RIMBP2: variants seen among roughly 807,000 people sequenced by gnomAD.
RIMBP2 encodes the protein RIMS-binding protein 2.
In RIMBP2, 48 loss-of-function variants were observed where a neutral mutation model predicts 118.6. The ratio of observed to expected loss-of-function variants is 0.40; its 90% CI spans 0.32 to 0.51. The LOEUF (loss-of-function observed/expected upper bound fraction) is 0.51. Ranked by LOEUF, RIMBP2 falls within the 20% of genes least tolerant of loss-of-function variation. The pLI is 0.41. For missense variants in RIMBP2, 1,551 were observed against 1,768.3 expected (o/e 0.88, Z 2.20); for synonymous variants, 762 against 742.9 (o/e 1.03, Z -0.42).
chr12:130,596,225 C>T (rs576700520), intron 2 of RIMBP2, among the ~76,000 whole-genome samples: 7 of 152,262 alleles, frequency 4.6e-5, no homozygotes, highest in South Asian at 2.1e-4. Context: ...AAAACAGACA[C>T]GTGGAAACCC....
At position 130,414,440 on chromosome 12, in the gene RIMBP2, T is replaced by C. The variant is rs939503601; in HGVS notation, c.3239-134A>G. On this transcript the variant is annotated intron_variant, in intron 17 of 22. Coordinates refer to ENST00000690449, the MANE Select transcript of RIMBP2 (RefSeq NM_001393629.1). The stretch of plus-strand genomic sequence containing the variant: ...TTTGTCTTTTTTGTGTCTTAACATG[T>C]AGGTGGAAATAGATCGGGAGGTCTA... The C allele has an allele frequency of 7.5e-6, 6 of 796,746 alleles. No homozygotes were observed. The African/African-American group carries it at 1.0e-4, about 14-fold the overall frequency. The allele number at this position is 796,746 out of a possible 1,614,324, so 49.4% of individuals were successfully genotyped here. A position where few individuals can be genotyped will look rare whatever the true frequency, so the allele number is the denominator to read the frequency against.
At chr12:130,460,916 C>A (rs1043518280) in intron 6 of RIMBP2, among the ~76,000 whole-genome samples, 2 of 152,156 alleles carry the variant, frequency 1.3e-5, no homozygotes, top group Non-Finnish European at 2.9e-5. Flanking sequence ...ACAGGAGATT[C>A]CATGCCCTCC....
chr12:130,687,781 A>G (rs1248415900), intron 1 of RIMBP2, among the ~76,000 whole-genome samples: 1 of 152,206 alleles, frequency 6.6e-6, no homozygotes, highest in Non-Finnish European at 1.5e-5. Context: ...GGCTTTTACT[A>G]AGAAAGTATA....
intron 2 of RIMBP2, among the ~76,000 whole-genome samples, chr12:130,606,876 G>C (rs1221385558): frequency 1.3e-5 from 2 of 152,158 alleles, no homozygotes; most frequent in Non-Finnish European, 2.9e-5. Context: ...CTGTCGCCCA[G>C]GCTAGGGTGC....
chr12:130,713,451 TAGGGGATCAGAC>T (rs1270466541), intron 1 of RIMBP2, among the ~76,000 whole-genome samples: 1 of 151,210 alleles, frequency 6.6e-6, no homozygotes, highest in Non-Finnish European at 1.5e-5. Flanking sequence ...TCCCACACCA[TAGGGGATCAGAC>T]AGCTTTTCAA....
intron 21 of RIMBP2, among the ~76,000 whole-genome samples, chr12:130,401,695 C>G (rs1164599420): frequency 6.6e-6 from 1 of 151,936 alleles, no homozygotes; most frequent in African/African-American, 2.4e-5. Context: ...GTGCCCCTGG[C>G]GATTTCTTCC....
At chr12:130,435,308 T>C (rs978200315) in intron 13 of RIMBP2, among the ~76,000 whole-genome samples, 4 of 152,164 alleles carry the variant, frequency 2.6e-5, no homozygotes, top group African/African-American at 4.8e-5. Context: ...CCTCCCAAAC[T>C]ACTGGGATTA....
chr12:130,659,480 A>G (rs1435637588), intron 1 of RIMBP2, among the ~76,000 whole-genome samples: 25 of 151,668 alleles, frequency 1.6e-4, no homozygotes, highest in Non-Finnish European at 2.5e-4. Context: ...GAGGCAGGAG[A>G]ATGGCGTGAA....
rs919108854 is a variant in RIMBP2, at chr12:130,424,382, C to T, written c.2889G>A (p.Thr963=). 12 of 1,232,542 alleles carry T rather than the reference C, an allele frequency of 9.7e-6. No individual in the cohort carries two copies. The highest frequency in any genetic ancestry group is 6.3e-5 in the East Asian group (2 of 31,696). 76.4% of individuals were successfully genotyped at this position (1,232,542 alleles called of 1,614,324 possible). ...CCTCCACGCTGCTCTGCCGGGTCAG[C>T]GTCCGCCGCCGGGCCAGCAGCGGCC... ...GPRPLLARRR[T]LTRQSSVEED... The change falls in exon 16 of 23, where the codon ACG becomes ACA. Residue 963 remains threonine, a synonymous_variant. Coordinates refer to ENST00000690449, the MANE Select transcript of RIMBP2 (RefSeq NM_001393629.1). This position sits in a 1 kb window ranked among gnomAD's most constrained non-coding sequence, Gnocchi z 9.8.
chr12:130,612,591 A>G (rs2060624948), intron 2 of RIMBP2, among the ~76,000 whole-genome samples: 1 of 152,202 alleles, frequency 6.6e-6, no homozygotes, highest in Non-Finnish European at 1.5e-5. Flanking sequence ...TTTTAAAATA[A>G]TTAAAACACC....
intron 19 of RIMBP2, among the ~76,000 whole-genome samples, chr12:130,409,718 TAGC>T (rs1428474220): frequency 6.6e-6 from 1 of 152,168 alleles, no homozygotes; most frequent in Non-Finnish European, 1.5e-5. Flanking sequence ...CTGGCTGTAT[TAGC>T]AGTGGCTCTG....
At position 130,588,943 on chromosome 12, in the gene RIMBP2, G is replaced by A. The variant is rs190630284; in HGVS notation, c.-217+39379C>T. ...GCAAGCCCCACGGGGGATTTGCAAA[G>A]ATGGAATCAGGAATTCCTTATGAAA... On this transcript the variant is annotated intron_variant, in intron 2 of 22. Transcript: ENST00000690449. 2.3e-4 allele frequency among the ~76,000 whole-genome samples: 35 copies of A among 152,320 alleles called. 1 individual carries two copies. In the East Asian group the frequency reaches 4.8e-3, roughly 21 times the overall value.
intron 3 of RIMBP2, among the ~76,000 whole-genome samples, chr12:130,514,687 C>T (rs2051261433): frequency 6.6e-6 from 1 of 152,160 alleles, no homozygotes; most frequent in African/African-American, 2.4e-5. Context: ...TGAAGCACCC[C>T]CATCTTTTTT....
At chr12:130,711,716 C>G (rs1949927297) in intron 1 of RIMBP2, among the ~76,000 whole-genome samples, 1 of 152,256 alleles carries the variant, frequency 6.6e-6, no homozygotes, top group Admixed American at 6.5e-5. Flanking sequence ...ATGAATACTT[C>G]TAACCCCACA....
In RIMBP2 at chr12:130,470,732, C is replaced by T. The variant is rs1452514073; in HGVS notation, c.114G>A (p.Glu38=). 1.6e-6 allele frequency: 2 copies of T among 1,231,830 alleles called. No homozygotes were observed. Among genetic ancestry groups the T allele is most frequent in the Admixed American group, 4.2e-5 (1 of 23,700 alleles). 76.3% of individuals were successfully genotyped at this position (1,231,830 alleles called of 1,614,324 possible). ...CTGCGCCTTCATGCTCCTTCTTAGC[C>T]TCAACCTGAGCCTTTTTTATGATGA... is the stretch of plus-strand genomic sequence containing the variant. The part of the protein sequence containing the change: ...EIDLLQKAQV[E]AKKEHEGAVR... Residue 38 remains glutamate (E), a synonymous_variant, in exon 6 of 23, where the codon GAG becomes GAA. Coordinates refer to ENST00000690449, the MANE Select transcript of RIMBP2 (RefSeq NM_001393629.1).
At chr12:130,456,885 C>T (rs2079502173) in intron 6 of RIMBP2, among the ~76,000 whole-genome samples, 185 bp from the exon 7 acceptor site, 1 of 152,176 alleles carries the variant, frequency 6.6e-6, no homozygotes, top group African/African-American at 2.4e-5. Context: ...CCTGTGTGCA[C>T]GTGTCTGTGT....
At chr12:130,510,681 C>G (rs12817740) in intron 3 of RIMBP2, among the ~76,000 whole-genome samples, 7,152 of 152,222 alleles carry the variant, frequency 0.047, 210 homozygotes, top group South Asian at 0.16. Context: ...GTTGGCCAGG[C>G]TGGTCTTGAA....
chr12:130,597,694 A>G (rs904227812), intron 2 of RIMBP2, among the ~76,000 whole-genome samples: 1 of 152,276 alleles, frequency 6.6e-6, no homozygotes, highest in African/African-American at 2.4e-5. Context: ...GACAACGTCT[A>G]TAACTGATAA....
Position 130,459,044 on chromosome 12 carries a change from CAAAAAAA to C in RIMBP2, c.154-2351_154-2345del, listed in dbSNP as rs760377513. ...GGGCAACAAGAGTGACACTCTGTCT[CAAAAAAA>C]AAAAAAAACAAAAAAAAAGTGAATA... On this transcript the variant is annotated intron_variant, in intron 6 of 22. Transcript: ENST00000690449. 1.7e-4 allele frequency among the ~76,000 whole-genome samples: 4 copies of C among 24,134 alleles called. No homozygotes were observed. The Admixed American group carries it at 1.8e-3, about 11-fold the overall frequency. 15.8% of individuals were successfully genotyped at this position (24,134 alleles called of 152,430 possible).
Sources: allele counts gnomAD v4.1 joint callset (sites outside exome capture counted in the v4.1 genomes callset), GRCh38; gene constraint gnomAD v4.1.1; non-coding constraint Gnocchi (gnomAD v3.1); transcripts MANE v1.5; gene names NCBI Gene and HGNC (gene_info 2026-07-23, HGNC 2026-07-21).